The following HS1BP3 variants were observed in gnomAD, a reference collection of about 807,000 sequenced individuals.
The protein encoded by HS1BP3 is HCLS1 binding protein 3.
HS1BP3 carries 32 observed loss-of-function variants against 33.5 expected under a neutral mutation model. The observed-to-expected ratio is 0.95, with a 90% CI of 0.72 to 1.28. HS1BP3 has a LOEUF of 1.28. Among genes scored for constraint, HS1BP3 ranks in the 50% most tolerant of loss-of-function variants. The probability of loss-of-function intolerance (pLI) is 0.00; values close to 1 mark genes in which losing one functional copy is unlikely to be tolerated. For synonymous variants in HS1BP3, 187 were observed against 209.2 expected (o/e 0.89, Z 0.92); for missense variants, 486 against 502.3 (o/e 0.97, Z 0.31).
At chr2:20,640,631 G>A in intron 3 of HS1BP3, 1 of 504,722 alleles carries the variant, frequency 2.0e-6, no homozygotes, top group Non-Finnish European at 3.6e-6. Context: ...GGGGAGTGTG[G>A]GGTGTGTGTC....
At chr2:20,599,358 C>G (rs1694017855) in intron 2 of HS1BP3, among the ~76,000 whole-genome samples, 1 of 152,364 alleles carries the variant, frequency 6.6e-6, no homozygotes, top group Non-Finnish European at 1.5e-5. Flanking sequence ...AACGGGTGCA[C>G]GCTGTCCCAG....
intron 4 of HS1BP3, among the ~76,000 whole-genome samples, chr2:20,626,353 G>C (rs1408484601): frequency 6.6e-6 from 1 of 152,248 alleles, no homozygotes. Context: ...TCTGAGCTCA[G>C]AGCCCAGTCC....
intron 5 of HS1BP3, among the ~76,000 whole-genome samples, chr2:20,576,229 C>A (rs977125758): frequency 6.6e-6 from 1 of 152,206 alleles, no homozygotes; most frequent in African/African-American, 2.4e-5. Context: ...GATCCTCCTA[C>A]CTCGGCCTCC....
chr2:20,644,361 G>T (rs1298438708), intron 2 of HS1BP3, among the ~76,000 whole-genome samples: 1 of 152,008 alleles, frequency 6.6e-6, no homozygotes, highest in African/African-American at 2.4e-5. Flanking sequence ...CCTTCTCTCT[G>T]CCTTCCACTT....
At chr2:20,582,403 G>T (rs1260551270) in intron 5 of HS1BP3, among the ~76,000 whole-genome samples, 2 of 151,980 alleles carry the variant, frequency 1.3e-5, no homozygotes, top group Admixed American at 1.3e-4. Context: ...GATTGGTAGG[G>T]GAGAGCTGTC....
chr2:20,557,108 G>C (rs77945981), downstream of HS1BP3, among the ~76,000 whole-genome samples: 323 of 152,288 alleles, frequency 2.1e-3, 10 homozygotes, highest in East Asian at 0.058. Flanking sequence ...AGAATTGAAG[G>C]TTCAAAATCA....
intron 4 of HS1BP3, among the ~76,000 whole-genome samples, chr2:20,632,549 T>A (rs1230456901): frequency 3.3e-5 from 5 of 152,212 alleles, no homozygotes; most frequent in Non-Finnish European, 7.3e-5. Flanking sequence ...GGAAGGTTCC[T>A]CAGTCGTAAC....
At position 20,623,985 on chromosome 2, in the gene HS1BP3, C is replaced by G; in HGVS notation, c.831G>C (p.Leu277=). The G allele has an allele frequency of 6.2e-7, 1 of 1,612,350 alleles. No homozygotes were observed. The highest frequency in any genetic ancestry group is 8.5e-7 in the Non-Finnish European group (1 of 1,179,620). The change falls in exon 6 of 7, where the codon CTG becomes CTC. Residue 277 remains leucine (L), a synonymous_variant. Coordinates refer to ENST00000304031, the MANE Select transcript of HS1BP3 (RefSeq NM_022460.4). ...DDPDLGGAIP[L]GDSLLLPAAC... is the part of the protein sequence containing the mutation. Reference sequence around the variant, plus strand: ...CGGCTGGCAGCAGGAGGGAGTCACCCAGGGGGATGGCCCCGCCGAGGTCAG... The same window carrying G: ...CGGCTGGCAGCAGGAGGGAGTCACCGAGGGGGATGGCCCCGCCGAGGTCAG...
chr2:20,585,427 G>A (rs1434166910), intron 5 of HS1BP3, among the ~76,000 whole-genome samples: 1 of 152,162 alleles, frequency 6.6e-6, no homozygotes, highest in Non-Finnish European at 1.5e-5. Context: ...AACTCTACAA[G>A]CATAACTGAA....
intron 5 of HS1BP3, among the ~76,000 whole-genome samples, chr2:20,581,340 ATTTCTT>A (rs888149019): frequency 1.1e-4 from 17 of 151,946 alleles, no homozygotes; most frequent in Admixed American, 3.9e-4. Flanking sequence ...ACAAATATTT[ATTTCTT>A]TTTCTTTTTC....
intron 2 of HS1BP3, among the ~76,000 whole-genome samples, chr2:20,609,148 A>AGCT (rs1694262427): frequency 1.3e-5 from 2 of 152,316 alleles, no homozygotes; most frequent in African/African-American, 4.8e-5. Flanking sequence ...ACCCATGGGT[A>AGCT]GCTGCAGGAT....
chr2:20,561,755 C>T (rs745114), intron 5 of HS1BP3, among the ~76,000 whole-genome samples: 2 of 152,150 alleles, frequency 1.3e-5, no homozygotes, highest in Non-Finnish European at 2.9e-5. Context: ...GCACACTGCT[C>T]CTTAAAACCC....
intron 5 of HS1BP3, among the ~76,000 whole-genome samples, chr2:20,566,862 C>T (rs1416673331): frequency 7.2e-5 from 11 of 152,168 alleles, no homozygotes; most frequent in African/African-American, 2.7e-4. Flanking sequence ...CTGCCTCAGC[C>T]TCCCAAAGTG....
At chr2:20,634,738 A>G (rs779605107) in intron 4 of HS1BP3, 1 of 152,348 alleles carries the variant, frequency 6.6e-6, no homozygotes, top group East Asian at 1.9e-4. Flanking sequence ...ATAGAGTAAG[A>G]TATTATTTTT....
chr2:20,593,844 G>C (rs925140953), intron 3 of HS1BP3, among the ~76,000 whole-genome samples: 1 of 152,196 alleles, frequency 6.6e-6, no homozygotes, highest in Non-Finnish European at 1.5e-5. Flanking sequence ...CTCAAGCCTG[G>C]GATATGGTCC....
At chr2:20,559,070 T>C (rs1050188254), downstream of HS1BP3, among the ~76,000 whole-genome samples, 6 of 152,202 alleles carry the variant, frequency 3.9e-5, no homozygotes, top group African/African-American at 1.4e-4. Flanking sequence ...AAGTCTGCTG[T>C]ATCTGCATGG....
At chr2:20,603,388 T>C (rs1694109049) in intron 2 of HS1BP3, among the ~76,000 whole-genome samples, 2 of 152,228 alleles carry the variant, frequency 1.3e-5, no homozygotes, top group Non-Finnish European at 2.9e-5. Flanking sequence ...AGAATTGTTA[T>C]CCAGCCCTAG....
At chr2:20,572,808 T>C (rs1000902021) in intron 5 of HS1BP3, among the ~76,000 whole-genome samples, 1 of 152,158 alleles carries the variant, frequency 6.6e-6, no homozygotes, top group Non-Finnish European at 1.5e-5. Context: ...CAGGAATCTG[T>C]GGACAGGAAC....
At chr2:20,571,768 C>T (rs1693280575) in intron 5 of HS1BP3, among the ~76,000 whole-genome samples, 1 of 152,214 alleles carries the variant, frequency 6.6e-6, no homozygotes, top group Admixed American at 6.5e-5. Context: ...TGCTGAGTGC[C>T]CCAGGTCCAC....
Sources: gnomAD v4.1 joint callset for allele counts (sites outside exome capture counted in the v4.1 genomes callset) on GRCh38, gnomAD v4.1.1 for gene constraint, MANE v1.5 for transcripts, NCBI Gene and HGNC (gene_info 2026-07-23, HGNC 2026-07-21) for gene names.